Variants in DAPK1 observed in about 807,000 individuals in gnomAD.
The protein encoded by DAPK1 is death associated protein kinase 1.
Under a neutral mutation model 144.9 loss-of-function variants are expected in DAPK1, and 56 were observed. The ratio of observed to expected loss-of-function variants is 0.39; its 90% CI spans 0.31 to 0.48. The LOEUF is 0.48. DAPK1 is among the 20% of genes least tolerant of loss of function. DAPK1 has a pLI of 0.95. For missense variants in DAPK1, 1,454 were observed against 1,875.4 expected, an observed-to-expected ratio of 0.78 and a Z score of 4.15; for synonymous variants, 690 against 749.0, an observed-to-expected ratio of 0.92 and a Z score of 1.29.
chr9:87,521,414 T>C (rs1037748442), intron 2 of DAPK1, among the ~76,000 whole-genome samples: 8 of 152,220 alleles, frequency 5.3e-5, no homozygotes, highest in Admixed American at 3.3e-4. Context: ...CAGTGAATAT[T>C]GGTGAGATGG....
At chr9:87,570,757 A>G (rs149669943) in intron 2 of DAPK1, among the ~76,000 whole-genome samples, 2 of 149,692 alleles carry the variant, frequency 1.3e-5, no homozygotes, top group Non-Finnish European at 3.0e-5. Context: ...CAGCTGTTCA[A>G]AATGCCTGAT....
chr9:87,609,071 C>T (rs1252757149), intron 3 of DAPK1, among the ~76,000 whole-genome samples: 6 of 152,070 alleles, frequency 3.9e-5, no homozygotes, highest in Non-Finnish European at 1.5e-5. Flanking sequence ...GCGGGAGGCC[C>T]GAATAGAACA....
chr9:87,509,849 G>T (rs36228630), intron 2 of DAPK1, among the ~76,000 whole-genome samples: 1 of 152,252 alleles, frequency 6.6e-6, no homozygotes, highest in East Asian at 1.9e-4. Context: ...TTTTCCTTCT[G>T]CACCACAGCA....
chr9:87,502,945 A>G (rs953194194), intron 2 of DAPK1, among the ~76,000 whole-genome samples: 17 of 152,166 alleles, frequency 1.1e-4, no homozygotes, highest in African/African-American at 3.1e-4. Context: ...GCATGCCTCA[A>G]TGAGCTAATG....
intron 2 of DAPK1, chr9:87,507,011 T>A (rs1296089074): frequency 1.3e-5 from 2 of 152,216 alleles, no homozygotes; most frequent in Non-Finnish European, 2.9e-5. Context: ...CTAAAATAGT[T>A]GTGTTTTATC....
intron 14 of DAPK1, 80 bp from the exon 15 acceptor site, chr9:87,648,701 T>G: frequency 7.8e-7 from 1 of 1,279,116 alleles, no homozygotes; most frequent in Non-Finnish European, 1.1e-6. Context: ...CAGGCAGGCC[T>G]GGGTGTAGGC....
intron 21 of DAPK1, among the ~76,000 whole-genome samples, chr9:87,690,238 C>A (rs771333997): frequency 2.6e-5 from 4 of 151,766 alleles, no homozygotes; most frequent in Non-Finnish European, 5.9e-5. Context: ...TAAATTTATT[C>A]CTGAGTATTT....
Position 87,707,415 on chromosome 9 carries a change from G to T in DAPK1, c.*51G>T, listed in dbSNP as rs1183017099. 74 of 1,285,586 alleles carry T rather than the reference G, an allele frequency of 5.8e-5. No individual in the cohort carries two copies. The highest frequency in any genetic ancestry group is 7.7e-5 in the Non-Finnish European group (70 of 913,608). The allele number at this position is 1,285,586 out of a possible 1,614,324, so 79.6% of individuals were successfully genotyped here. A position where few individuals can be genotyped will look rare whatever the true frequency, so the allele number is the denominator to read the frequency against. On this transcript the variant is annotated 3_prime_UTR_variant, in exon 26 of 26. Transcript: ENST00000408954. This position sits in a 1 kb window ranked among gnomAD's most constrained non-coding sequence, Gnocchi z 4.0. ...CTGTTTGGACTGCAGAAGCAAGGGG[G>T]TGATGTAGCCCATCCTTCCCTTTGG... is the stretch of plus-strand genomic sequence containing the variant.
chr9:87,637,099 T>G (rs940641907), intron 3 of DAPK1, among the ~76,000 whole-genome samples: 1 of 151,860 alleles, frequency 6.6e-6, no homozygotes, highest in African/African-American at 2.4e-5. Flanking sequence ...AATGTATTCT[T>G]TTTTTTTGTT....
intron 15 of DAPK1, among the ~76,000 whole-genome samples, chr9:87,649,278 G>A (rs1444823057): frequency 6.6e-6 from 1 of 152,162 alleles, no homozygotes; most frequent in Admixed American, 6.5e-5. Context: ...TGTAACCACC[G>A]CCGCACTAGG....
chr9:87,690,468 A>G (rs891833210), intron 21 of DAPK1, among the ~76,000 whole-genome samples: 2 of 152,012 alleles, frequency 1.3e-5, no homozygotes, highest in Non-Finnish European at 2.9e-5. Flanking sequence ...AAGAGGGACA[A>G]TTTGGGTTTC....
At chr9:87,661,513 C>A (rs909593127) in intron 18 of DAPK1, among the ~76,000 whole-genome samples, 4 of 152,090 alleles carry the variant, frequency 2.6e-5, no homozygotes, top group African/African-American at 7.2e-5. Flanking sequence ...TAATAATGGC[C>A]ATTCTGATTG....
intron 25 of DAPK1, among the ~76,000 whole-genome samples, chr9:87,705,923 T>C (rs764254072): frequency 2.0e-5 from 3 of 152,210 alleles, no homozygotes; most frequent in Non-Finnish European, 2.9e-5. Flanking sequence ...GAGTTGTTTT[T>C]CAGAATCTCT....
chr9:87,593,483 A>C (rs1587748295), intron 2 of DAPK1, among the ~76,000 whole-genome samples: 1 of 152,226 alleles, frequency 6.6e-6, no homozygotes, highest in African/African-American at 2.4e-5. Flanking sequence ...AGCAGGGTGA[A>C]TATTGGAGGA....
At chr9:87,559,217 A>C (rs1205622652) in intron 2 of DAPK1, among the ~76,000 whole-genome samples, 2 of 152,186 alleles carry the variant, frequency 1.3e-5, no homozygotes, top group Admixed American at 6.5e-5. Flanking sequence ...AGGTAGAGGT[A>C]ATGTGTCATC....
At chr9:87,559,885 T>C (rs2118641973) in intron 2 of DAPK1, among the ~76,000 whole-genome samples, 1 of 152,224 alleles carries the variant, frequency 6.6e-6, no homozygotes, top group Admixed American at 6.5e-5. Flanking sequence ...CCATTCTTCA[T>C]GCCCCCTATC....
At chr9:87,519,296 T>G (rs1426319253) in intron 2 of DAPK1, among the ~76,000 whole-genome samples, 1 of 152,236 alleles carries the variant, frequency 6.6e-6, no homozygotes, top group Non-Finnish European at 1.5e-5. Context: ...ATAAAAAGAC[T>G]GCTGTTGGCC....
In DAPK1 at chr9:87,643,365, T is replaced by A. The variant is rs551339236; in HGVS notation, c.919-11T>A. The stretch of plus-strand genomic sequence containing the variant: ...GCCCTCCCTTTTTTTTTTTTTTTTT[T>A]TAAAAAAAAGCAATCCGTTCGCTTG... On this transcript the variant is annotated splice_polypyrimidine_tract_variant and intron_variant, in intron 10 of 25. Transcript: ENST00000408954. The A allele has an allele frequency of 1.0e-5, 15 of 1,479,002 alleles. No homozygotes were observed. In the African/African-American group the frequency reaches 1.7e-4, roughly 17 times the overall value. The allele number at this position is 1,479,002 out of a possible 1,614,324, so 91.6% of individuals were successfully genotyped here.
intron 2 of DAPK1, among the ~76,000 whole-genome samples, chr9:87,543,706 A>C (rs1401560967): frequency 6.6e-6 from 1 of 152,222 alleles, no homozygotes; most frequent in Non-Finnish European, 1.5e-5. Context: ...AAATATCTAC[A>C]TTAAATGCAT....
Sources: allele counts gnomAD v4.1 joint callset (sites outside exome capture counted in the v4.1 genomes callset), GRCh38; gene constraint gnomAD v4.1.1; non-coding constraint Gnocchi (gnomAD v3.1); transcripts MANE v1.5; gene names NCBI Gene and HGNC (gene_info 2026-07-23, HGNC 2026-07-21).